Variants in SMYD1 observed in about 807,000 individuals in gnomAD.
SMYD1 encodes SET and MYND domain containing 1.
Under a neutral mutation model 54.0 loss-of-function variants are expected in SMYD1, and 49 were observed. That is an observed-to-expected ratio of 0.91 (90% CI 0.72 to 1.15). SMYD1 has a LOEUF of 1.15. Ranked by LOEUF, SMYD1 falls within the 50% of genes most tolerant of loss-of-function variation. SMYD1 has a pLI of 0.00. For missense variants in SMYD1, 653 were observed against 639.6 expected (o/e 1.02, Z -0.23); for synonymous variants, 269 against 234.2 (o/e 1.15, Z -1.36).
chr2:88,089,243 C>T (rs1450508477), intron 3 of SMYD1, among the ~76,000 whole-genome samples: 1 of 152,200 alleles, frequency 6.6e-6, no homozygotes, highest in African/African-American at 2.4e-5. Flanking sequence ...GGCCCACCCA[C>T]ATTCTAGCAG....
intron 1 of SMYD1, among the ~76,000 whole-genome samples, chr2:88,073,273 G>T (rs1030072894): frequency 5.9e-5 from 9 of 152,270 alleles, no homozygotes; most frequent in South Asian, 2.1e-4. Flanking sequence ...GTATTACAGG[G>T]TATATATGCA....
Position 88,112,013 on chromosome 2 carries a change from T to TG in SMYD1, c.*1503dup. 1 of 702,188 alleles carries TG rather than the reference T, an allele frequency of 1.4e-6. No individual in the cohort carries two copies. The highest frequency in any genetic ancestry group is 2.6e-6 in the Non-Finnish European group (1 of 384,410). The allele number at this position is 702,188 out of a possible 1,614,324, so 43.5% of individuals were successfully genotyped here. A position where few individuals can be genotyped will look rare whatever the true frequency, so the allele number is the denominator to read the frequency against. The stretch of plus-strand genomic sequence containing the variant: ...CTGTGTCCCTCTGAGCACTACCCAG[T>TG]GGCTGAAAACTCTGCAAATGGGCCA... On this transcript the variant is annotated 3_prime_UTR_variant, in exon 10 of 10. Transcript: ENST00000419482.
At chr2:88,095,440 C>T (rs1342859545) in intron 5 of SMYD1, among the ~76,000 whole-genome samples, 1 of 152,234 alleles carries the variant, frequency 6.6e-6, no homozygotes. Context: ...CACTACCATT[C>T]AGCAGTTGCT....
rs144697426 is a variant in SMYD1 at position 88,104,030 on chromosome 2, G to A, written c.981+880G>A. Among the ~76,000 whole-genome samples the A allele has an allele frequency of 3.1e-3, 471 of 150,392 alleles. 14 individuals are homozygous for A. In the East Asian group the frequency reaches 0.069, roughly 22 times the overall value. On this transcript the variant is annotated intron_variant, in intron 7 of 9. Transcript: ENST00000419482. The stretch of plus-strand genomic sequence containing the variant: ...CACCCAGGCTGGAGTGCAGTGGCAC[G>A]ATTTCGGCTCACTGCAAGCTCTGCC...
At chr2:88,079,107 T>C (rs1674131369) in intron 1 of SMYD1, among the ~76,000 whole-genome samples, 1 of 152,246 alleles carries the variant, frequency 6.6e-6, no homozygotes, top group East Asian at 1.9e-4. Context: ...GCAAAGAATC[T>C]CATGAGATAA....
intron 1 of SMYD1, among the ~76,000 whole-genome samples, chr2:88,078,461 G>T (rs765875576): frequency 4.6e-5 from 7 of 152,122 alleles, no homozygotes; most frequent in Non-Finnish European, 1.0e-4. Flanking sequence ...TAGGGGACTT[G>T]CTCCAGGTCA....
chr2:88,080,844 C>G (rs1674172918), intron 1 of SMYD1, among the ~76,000 whole-genome samples: 2 of 151,962 alleles, frequency 1.3e-5, no homozygotes. Context: ...GGTGAAGACT[C>G]CAAGTTAAAA....
At chr2:88,068,045 G>A (rs925154774) in intron 1 of SMYD1, 44 bp downstream of exon 1, 4 of 1,582,772 alleles carry the variant, frequency 2.5e-6, no homozygotes, top group South Asian at 2.3e-5. Context: ...TAGTTTGGCT[G>A]GGGCCAAACT....
At chr2:88,079,910 T>A (rs1674150809) in intron 1 of SMYD1, among the ~76,000 whole-genome samples, 1 of 152,236 alleles carries the variant, frequency 6.6e-6, no homozygotes, top group African/African-American at 2.4e-5. Context: ...GATAAAATAC[T>A]TCTCCTCACC....
chr2:88,102,819 G>A (rs560878965), intron 6 of SMYD1, among the ~76,000 whole-genome samples: 2 of 152,276 alleles, frequency 1.3e-5, no homozygotes, highest in South Asian at 4.1e-4. Flanking sequence ...GCACAGGCTG[G>A]GATGATTGGC....
At position 88,076,475 on chromosome 2, in the gene SMYD1, G is replaced by A. The variant is rs141270521; in HGVS notation, c.138-7841G>A. On this transcript the variant is annotated intron_variant, in intron 1 of 9. Transcript: ENST00000419482. ...TCTGACTTTGTGATCCGCCTGCCTC[G>A]GCCTCCCAAAGTGCTGGGATTACAG... Among the ~76,000 whole-genome samples the A allele has an allele frequency of 2.5e-3, 381 of 152,072 alleles. 2 individuals carry two copies. The highest frequency in any genetic ancestry group is 8.5e-3 in the African/African-American group (354 of 41,464).
intron 7 of SMYD1, among the ~76,000 whole-genome samples, chr2:88,103,698 G>A (rs1013334326): frequency 6.6e-5 from 10 of 152,088 alleles, no homozygotes; most frequent in African/African-American, 2.4e-4. Flanking sequence ...GATTTTTAAA[G>A]CTCTTGGGTG....
rs559091964 is a variant in SMYD1, at chr2:88,112,481, C to G, written c.*1969C>G. The G allele has an allele frequency of 3.5e-6, 1 of 282,388 alleles. No individual in the cohort carries two copies. The highest frequency in any genetic ancestry group is 6.7e-6 in the Non-Finnish European group (1 of 148,870). 17.5% of individuals were successfully genotyped at this position (282,388 alleles called of 1,614,324 possible). ...GCTCCATCTATTATTGCTTCTCCATCCTGGATCCTTGACATTTGTCACCCC... is the reference window on the plus strand; with the variant it reads ...GCTCCATCTATTATTGCTTCTCCATGCTGGATCCTTGACATTTGTCACCCC... On this transcript the variant is annotated 3_prime_UTR_variant, in exon 10 of 10. Coordinates refer to ENST00000419482, the MANE Select transcript of SMYD1 (RefSeq NM_198274.4).
chr2:88,072,596 A>G (rs560678748), intron 1 of SMYD1, among the ~76,000 whole-genome samples: 176 of 152,332 alleles, frequency 1.2e-3, no homozygotes, highest in South Asian at 2.1e-3. Flanking sequence ...ATTCCAGAAT[A>G]CATATTTTAA....
At chr2:88,092,057 C>T (rs888664294) in intron 4 of SMYD1, among the ~76,000 whole-genome samples, 1 of 152,188 alleles carries the variant, frequency 6.6e-6, no homozygotes, top group African/African-American at 2.4e-5. Context: ...AACAGCTCAG[C>T]TGTGGCTTAT....
intron 1 of SMYD1, among the ~76,000 whole-genome samples, chr2:88,073,075 T>C (rs1040152935): frequency 2.6e-5 from 4 of 152,164 alleles, no homozygotes; most frequent in African/African-American, 9.7e-5. Flanking sequence ...CTCTCCCCTT[T>C]TGGAATCTCC....
chr2:88,094,578 G>C (rs1457074195), intron 5 of SMYD1, among the ~76,000 whole-genome samples: 1 of 152,158 alleles, frequency 6.6e-6, no homozygotes, highest in Non-Finnish European at 1.5e-5. Context: ...CCAATCTCCA[G>C]TTTCAAGTAA....
Position 88,087,860 on chromosome 2 carries a change from AG to A in SMYD1, c.315del. The A allele has an allele frequency of 1.3e-6, 2 of 1,565,470 alleles. No homozygotes were observed. Among genetic ancestry groups the A allele is most frequent in the Non-Finnish European group, 1.7e-6 (2 of 1,155,276 alleles). The stretch of plus-strand genomic sequence containing the variant: ...GGCCTCCTGACGCTGCCCTTCCCAC[AG>A]GCTGGCGGCGCGCATCATGTGGCGG... On this transcript the variant is annotated splice_acceptor_variant, in intron 2 of 9. Coordinates refer to ENST00000419482, the MANE Select transcript of SMYD1 (RefSeq NM_198274.4). LOFTEE classifies it high-confidence loss of function.
intron 1 of SMYD1, 99 bp downstream of exon 1, chr2:88,068,100 T>G: frequency 6.9e-7 from 1 of 1,452,206 alleles, no homozygotes; most frequent in Non-Finnish European, 9.2e-7. Context: ...AGGGATAAAA[T>G]TCATGTGCTC....
Sources: allele counts gnomAD v4.1 joint callset (sites outside exome capture counted in the v4.1 genomes callset), GRCh38; gene constraint gnomAD v4.1.1; transcripts MANE v1.5; gene names NCBI Gene and HGNC (gene_info 2026-07-23, HGNC 2026-07-21).